Variants in NKAIN2 observed in about 807,000 individuals in gnomAD.
NKAIN2 encodes the protein sodium/potassium-transporting ATPase subunit beta-1-interacting protein 2.
A neutral mutation model predicts 32.6 loss-of-function variants in NKAIN2; 14 were observed. That is an observed-to-expected ratio of 0.43 (90% confidence interval 0.28 to 0.67). NKAIN2 has a LOEUF of 0.67. Ranked by LOEUF, NKAIN2 falls within the 30% of genes least tolerant of loss-of-function variation. The probability of loss-of-function intolerance (pLI) is 0.17; values close to 1 mark genes in which losing one functional copy is unlikely to be tolerated. For synonymous variants in NKAIN2, 80 were observed against 87.2 expected (o/e 0.92, Z 0.46); for missense variants, 198 against 258.3 (o/e 0.77, Z 1.60).
chr6:123,907,181 G>T (rs1468157341), intron 1 of NKAIN2, among the ~76,000 whole-genome samples: 1 of 152,004 alleles, frequency 6.6e-6, no homozygotes, highest in Non-Finnish European at 1.5e-5. Flanking sequence ...ACTTTTAAAA[G>T]CCTGAATACA....
At chr6:124,602,829 G>T (rs1370349730) in intron 3 of NKAIN2, among the ~76,000 whole-genome samples, 1 of 151,788 alleles carries the variant, frequency 6.6e-6, no homozygotes, top group Non-Finnish European at 1.5e-5. Context: ...TCCACAAGTA[G>T]CATGAGAACA....
At chr6:123,904,185 C>T (rs1482323102) in intron 1 of NKAIN2, among the ~76,000 whole-genome samples, 2 of 151,384 alleles carry the variant, frequency 1.3e-5, no homozygotes, top group Admixed American at 6.6e-5. Flanking sequence ...GAGCCAAGAT[C>T]GCACCACTGC....
In NKAIN2 at chr6:124,017,246, C is replaced by T. The variant is rs117961374; in HGVS notation, c.54+212992C>T. 1.5e-3 allele frequency among the ~76,000 whole-genome samples: 228 copies of T among 152,142 alleles called. 2 individuals carry two copies. In the East Asian group the frequency reaches 0.033, roughly 22 times the overall value. The stretch of plus-strand genomic sequence containing the variant: ...AGAACAGTATGGGAAAGACCCGCCC[C>T]CGTGATTTAATTACTTCCCATAGGG... On this transcript the variant is annotated intron_variant, in intron 1 of 6. Coordinates refer to ENST00000368417, the MANE Select transcript of NKAIN2 (RefSeq NM_001040214.3).
At chr6:124,738,352 TTAAAA>T (rs1183882517) in intron 4 of NKAIN2, among the ~76,000 whole-genome samples, 5 of 151,856 alleles carry the variant, frequency 3.3e-5, no homozygotes, top group African/African-American at 1.2e-4. Flanking sequence ...AAAATAACTT[TTAAAA>T]TAATATAATT....
At chr6:124,347,506 C>A (rs1487807411) in intron 2 of NKAIN2, among the ~76,000 whole-genome samples, 1 of 152,228 alleles carries the variant, frequency 6.6e-6, no homozygotes, top group East Asian at 1.9e-4. Context: ...TCACATAGTC[C>A]CATATTTCTT....
At chr6:124,764,078 T>C (rs1480953788) in intron 4 of NKAIN2, among the ~76,000 whole-genome samples, 1 of 152,208 alleles carries the variant, frequency 6.6e-6, no homozygotes, top group Non-Finnish European at 1.5e-5. Context: ...GCTCTTTAGA[T>C]ATCTATGAAC....
intron 1 of NKAIN2, among the ~76,000 whole-genome samples, chr6:123,840,528 T>G (rs1774826439): frequency 6.6e-6 from 1 of 152,150 alleles, no homozygotes; most frequent in Non-Finnish European, 1.5e-5. Context: ...ACAATAATAA[T>G]TTTTAACTTC....
intron 1 of NKAIN2, among the ~76,000 whole-genome samples, chr6:124,261,085 T>C (rs1794228576): frequency 6.6e-6 from 1 of 152,156 alleles, no homozygotes; most frequent in Non-Finnish European, 1.5e-5. Flanking sequence ...TTTATAGAGA[T>C]GGAAAAATAG....
At chr6:124,339,499 G>A (rs1433017288) in intron 2 of NKAIN2, among the ~76,000 whole-genome samples, 1 of 152,060 alleles carries the variant, frequency 6.6e-6, no homozygotes, top group African/African-American at 2.4e-5. Context: ...GTTAGCTGTG[G>A]GATTACCTGG....
chr6:124,812,174 T>C (rs1016567895), intron 5 of NKAIN2, among the ~76,000 whole-genome samples: 1 of 152,196 alleles, frequency 6.6e-6, no homozygotes, highest in Non-Finnish European at 1.5e-5. Context: ...GTTTTCTTCC[T>C]ACTGGTATCC....
chr6:123,898,060 C>T (rs962548864), intron 1 of NKAIN2, among the ~76,000 whole-genome samples: 2 of 152,162 alleles, frequency 1.3e-5, no homozygotes, highest in Non-Finnish European at 2.9e-5. Context: ...TTTATACTTA[C>T]AGCACAAGAA....
intron 1 of NKAIN2, among the ~76,000 whole-genome samples, chr6:124,243,885 A>G (rs1430601847): frequency 6.6e-6 from 1 of 152,086 alleles, no homozygotes; most frequent in Non-Finnish European, 1.5e-5. Context: ...TCAAATTATT[A>G]TTAATTTCCC....
intron 1 of NKAIN2, among the ~76,000 whole-genome samples, chr6:124,175,844 G>A (rs993905672): frequency 2.0e-5 from 3 of 152,070 alleles, no homozygotes; most frequent in Non-Finnish European, 4.4e-5. Context: ...CAAAGTTTGT[G>A]AATGTACATC....
chr6:124,220,537 G>GTGTA (rs1554268357), intron 1 of NKAIN2, among the ~76,000 whole-genome samples: 12 of 148,158 alleles, frequency 8.1e-5, no homozygotes, highest in South Asian at 4.3e-4. Context: ...ACATACATAT[G>GTGTA]TATATATATA....
chr6:124,481,917 A>G (rs1178989419), intron 3 of NKAIN2, among the ~76,000 whole-genome samples: 1 of 152,176 alleles, frequency 6.6e-6, no homozygotes, highest in Middle Eastern at 3.2e-3. Flanking sequence ...GTGGCCTTAT[A>G]AAGAGCCTTA....
At chr6:124,499,311 T>C (rs1288136799) in intron 3 of NKAIN2, among the ~76,000 whole-genome samples, 2 of 152,188 alleles carry the variant, frequency 1.3e-5, no homozygotes, top group African/African-American at 4.8e-5. Context: ...TCCTACAGCC[T>C]GTGCACAGTT....
At chr6:123,971,792 C>G (rs1778356114) in intron 1 of NKAIN2, among the ~76,000 whole-genome samples, 1 of 152,124 alleles carries the variant, frequency 6.6e-6, no homozygotes, top group Non-Finnish European at 1.5e-5. Context: ...GAAAGTTTGG[C>G]TCTTGTTTAT....
chr6:124,304,947 A>G (rs1421920217), intron 2 of NKAIN2, among the ~76,000 whole-genome samples: 5 of 152,144 alleles, frequency 3.3e-5, no homozygotes, highest in African/African-American at 1.2e-4. Flanking sequence ...TCAAACTAAG[A>G]TATAATGGAT....
At chr6:124,368,690 G>C (rs1333032831) in intron 3 of NKAIN2, among the ~76,000 whole-genome samples, 2 of 152,078 alleles carry the variant, frequency 1.3e-5, no homozygotes, top group African/African-American at 2.4e-5. Context: ...AAACTTAGCT[G>C]TCTTCACAAG....
Sources: allele counts gnomAD v4.1 joint callset (sites outside exome capture counted in the v4.1 genomes callset), GRCh38; gene constraint gnomAD v4.1.1; transcripts MANE v1.5; gene names NCBI Gene and HGNC (gene_info 2026-07-23, HGNC 2026-07-21).